Variants in LSAMP observed in about 807,000 individuals in gnomAD.
The protein encoded by LSAMP is limbic system associated membrane protein.
Under a neutral mutation model 38.6 loss-of-function variants are expected in LSAMP, and 7 were observed. That is an observed-to-expected ratio of 0.18 (90% CI 0.10 to 0.34). The LOEUF is 0.34. LSAMP is among the 10% of genes least tolerant of loss of function. LSAMP has a pLI of 1.00. For missense variants in LSAMP, 313 were observed against 420.0 expected, an observed-to-expected ratio of 0.75 and a Z score of 2.23; for synonymous variants, 154 against 166.8, an observed-to-expected ratio of 0.92 and a Z score of 0.59.
intron 1 of LSAMP, among the ~76,000 whole-genome samples, chr3:116,238,050 T>C (rs1222835462): frequency 6.6e-6 from 1 of 152,156 alleles, no homozygotes; most frequent in African/African-American, 2.4e-5. Context: ...CACCCAGTTG[T>C]GGTAACCAAA....
intron 1 of LSAMP, among the ~76,000 whole-genome samples, chr3:116,384,564 G>C (rs1163331149): frequency 6.6e-6 from 1 of 152,058 alleles, no homozygotes; most frequent in Non-Finnish European, 1.5e-5. Context: ...CATTAGCCTA[G>C]GATACAGAGT....
intron 3 of LSAMP, among the ~76,000 whole-genome samples, chr3:115,903,386 G>T (rs551625940): frequency 6.6e-6 from 1 of 152,130 alleles, no homozygotes; most frequent in East Asian, 1.9e-4. Context: ...TCACCAATCG[G>T]TACTAGACTT....
At chr3:116,207,458 TG>T (rs1314992127) in intron 1 of LSAMP, among the ~76,000 whole-genome samples, 2 of 150,076 alleles carry the variant, frequency 1.3e-5, no homozygotes, top group Non-Finnish European at 3.0e-5. Flanking sequence ...TGATGTTAGC[TG>T]GTGATTTTGC....
intron 3 of LSAMP, among the ~76,000 whole-genome samples, chr3:115,868,591 A>C (rs1935926479): frequency 6.6e-6 from 1 of 152,108 alleles, no homozygotes; most frequent in African/African-American, 2.4e-5. Context: ...GAGCATAAAT[A>C]TATTTTTCAC....
At chr3:115,948,210 T>A (rs1938166453) in intron 3 of LSAMP, among the ~76,000 whole-genome samples, 1 of 152,154 alleles carries the variant, frequency 6.6e-6, no homozygotes, top group South Asian at 2.1e-4. Context: ...AAGACAAAAT[T>A]TTATTGAATG....
intron 1 of LSAMP, among the ~76,000 whole-genome samples, chr3:116,087,495 C>T (rs1415439728): frequency 2.0e-5 from 3 of 152,164 alleles, no homozygotes; most frequent in Non-Finnish European, 4.4e-5. Context: ...AACAAAAAAA[C>T]CTTCTGTCTG....
intron 1 of LSAMP, among the ~76,000 whole-genome samples, chr3:116,108,320 TA>T (rs201983479): frequency 0.1 from 15,318 of 151,908 alleles, 2,447 homozygotes; most frequent in African/African-American, 0.35. Flanking sequence ...TGGGGATAAC[TA>T]AAAAGGAGTG....
At chr3:115,931,600 C>T (rs1046685182) in intron 3 of LSAMP, among the ~76,000 whole-genome samples, 5 of 152,002 alleles carry the variant, frequency 3.3e-5, no homozygotes, top group Admixed American at 6.6e-5. Flanking sequence ...TTGTCATGAC[C>T]TATCTTTAAA....
chr3:116,172,844 T>C (rs9289046), intron 1 of LSAMP, among the ~76,000 whole-genome samples: 75,864 of 151,724 alleles, frequency 0.5, 21,457 homozygotes, highest in East Asian at 0.74. Flanking sequence ...TTCACTTATA[T>C]TGGCATTGTT....
intron 1 of LSAMP, among the ~76,000 whole-genome samples, chr3:116,338,447 G>A (rs1441872100): frequency 6.6e-6 from 1 of 152,016 alleles, no homozygotes; most frequent in Non-Finnish European, 1.5e-5. Flanking sequence ...CGTATGGATA[G>A]TAGTAGACAT....
At chr3:116,121,874 A>AT (rs1208390124) in intron 1 of LSAMP, among the ~76,000 whole-genome samples, 9 of 140,988 alleles carry the variant, frequency 6.4e-5, no homozygotes, top group South Asian at 2.2e-4. Context: ...ACATTATGAG[A>AT]TTTTTTTGTG....
intron 3 of LSAMP, among the ~76,000 whole-genome samples, chr3:115,983,002 T>G (rs1939409321): frequency 1.3e-5 from 2 of 151,042 alleles, no homozygotes; most frequent in African/African-American, 4.9e-5. Context: ...TCAGTTGAGA[T>G]TCAATTTAAA....
rs1349776148 is a variant in LSAMP, at chr3:116,132,297, C to T, written c.156-45741G>A. 2.0e-5 allele frequency among the ~76,000 whole-genome samples: 3 copies of T among 151,256 alleles called. No homozygotes were observed. In the South Asian group the frequency reaches 6.2e-4, roughly 31 times the overall value. ...TAACATCCCTGGAGGCCTTGAAAGA[C>T]AAGCATCTTTAACCTGGTAGCACAT... is the stretch of plus-strand genomic sequence containing the variant. On this transcript the variant is annotated intron_variant, in intron 1 of 6. Transcript: ENST00000490035.
intron 1 of LSAMP, among the ~76,000 whole-genome samples, chr3:116,100,359 C>G (rs191462553): frequency 6.6e-6 from 1 of 152,134 alleles, no homozygotes; most frequent in African/African-American, 2.4e-5. Context: ...GGATTACAAA[C>G]GTAAGCCACC....
intron 1 of LSAMP, among the ~76,000 whole-genome samples, chr3:116,201,789 ACT>A (rs1277747837): frequency 3.9e-5 from 6 of 151,956 alleles, no homozygotes; most frequent in African/African-American, 1.5e-4. Context: ...CTAACTGAAG[ACT>A]CTTTCCTGAC....
chr3:116,292,310 AAGAAG>A (rs1174699450), intron 1 of LSAMP, among the ~76,000 whole-genome samples: 1 of 152,220 alleles, frequency 6.6e-6, no homozygotes, highest in Non-Finnish European at 1.5e-5. Flanking sequence ...TAAGAATGAA[AAGAAG>A]ATGATTCCAG....
chr3:116,312,625 G>T (rs17646070), intron 1 of LSAMP, among the ~76,000 whole-genome samples: 6,834 of 152,116 alleles, frequency 0.045, 321 homozygotes, highest in Non-Finnish European at 0.06. Flanking sequence ...ATATGCCAGA[G>T]CATGCAGGGC....
chr3:116,307,137 T>C (rs1316657966), intron 1 of LSAMP, among the ~76,000 whole-genome samples: 1 of 151,972 alleles, frequency 6.6e-6, no homozygotes, highest in East Asian at 1.9e-4. Flanking sequence ...TAGAAAAAAG[T>C]TTCACATTTT....
At chr3:116,042,583 C>G (rs560499845) in intron 2 of LSAMP, among the ~76,000 whole-genome samples, 10 of 152,232 alleles carry the variant, frequency 6.6e-5, no homozygotes, top group African/African-American at 9.6e-5. Context: ...GCACATGCCA[C>G]CATGCCCGGT....
Sources: gnomAD v4.1 joint callset for allele counts (sites outside exome capture counted in the v4.1 genomes callset) on GRCh38, gnomAD v4.1.1 for gene constraint, MANE v1.5 for transcripts, NCBI Gene and HGNC (gene_info 2026-07-23, HGNC 2026-07-21) for gene names.